ALOX15B: variants seen among roughly 807,000 people sequenced by gnomAD.
The protein encoded by ALOX15B is arachidonate 15-lipoxygenase type B.
In ALOX15B, 74 loss-of-function variants were observed where a neutral mutation model predicts 73.8. The ratio of observed to expected loss-of-function variants is 1.00; its 90% CI spans 0.83 to 1.22. The LOEUF (loss-of-function observed/expected upper bound fraction) is 1.22. ALOX15B is among the 50% of genes most tolerant of loss of function. The pLI, the probability that ALOX15B is intolerant of heterozygous loss-of-function variation, is 0.00. For synonymous variants in ALOX15B, 353 were observed against 357.2 expected (o/e 0.99, Z 0.13); for missense variants, 896 against 859.9 (o/e 1.04, Z -0.52).
chr17:8,043,524 C>A lies in ALOX15B; in HGVS notation c.676+640C>A, dbSNP rs181602666. Among the ~76,000 whole-genome samples, 249 of 152,312 alleles carry A rather than the reference C, an allele frequency of 1.6e-3. 1 individual carries two copies. Among genetic ancestry groups the A allele is most frequent in the Non-Finnish European group, 2.9e-3 (195 of 68,030 alleles). On this transcript the variant is annotated intron_variant, in intron 5 of 13. Coordinates refer to ENST00000380183, the MANE Select transcript of ALOX15B (RefSeq NM_001141.3). Reference sequence around the variant, plus strand: ...CGGGGGTCGCACAGGACTTTGTCGGCCATGGCAGGACTTGCGTCTTTCCTC... The same window carrying A: ...CGGGGGTCGCACAGGACTTTGTCGGACATGGCAGGACTTGCGTCTTTCCTC...
intron 3 of ALOX15B, among the ~76,000 whole-genome samples, chr17:8,040,660 GAGAA>G (rs1976440551): frequency 8.3e-6 from 1 of 120,734 alleles, no homozygotes; most frequent in Non-Finnish European, 1.8e-5. Flanking sequence ...AGAAAAGAAA[GAGAA>G]AGAAACTGCT....
At position 8,045,672 on chromosome 17, in the gene ALOX15B, C is replaced by A; in HGVS notation, c.1186C>A (p.His396Asn). 1 of 1,613,940 alleles carries A rather than the reference C, an allele frequency of 6.2e-7. No homozygotes were observed. Residue 396 changes from histidine (H) to asparagine (N), a missense_variant, in exon 8 of 14, where the codon CAC (histidine) becomes AAC (asparagine). His to Asn is a moderately conservative substitution (Grantham distance 68). Coordinates refer to ENST00000380183, the MANE Select transcript of ALOX15B (RefSeq NM_001141.3). Reference protein sequence around the residue: ...LATLRQLPHCHPLFKLLIPHT... With the variant: ...LATLRQLPHCNPLFKLLIPHT... Reference sequence around the variant, plus strand: ...TACCCTGCGTCAGCTGCCCCACTGCCACCCTCTCTTCAAGGTCAGTGGCTT... The same window carrying A: ...TACCCTGCGTCAGCTGCCCCACTGCAACCCTCTCTTCAAGGTCAGTGGCTT...
rs917627708 is a variant in ALOX15B, at chr17:8,039,551, C to A, written c.313C>A (p.Pro105Thr). Reference sequence around the variant, plus strand: ...GCCGCGGGGCGGCCACCTCCTCTTCCCCTGCTACCAGTGGCTGGAGGGGGC... The same window carrying A: ...GCCGCGGGGCGGCCACCTCCTCTTCACCTGCTACCAGTGGCTGGAGGGGGC... ...TPPRGGHLLF[P>T]CYQWLEGAGT... is the part of the protein sequence containing the mutation. The change falls in exon 2 of 14, where the codon CCC (proline) becomes ACC (threonine). Residue 105 changes from proline (P) to threonine (T), a missense_variant. Pro to Thr is a conservative substitution (Grantham distance 38, BLOSUM62 -1). Transcript: ENST00000380183. 2.2e-5 allele frequency: 34 copies of A among 1,541,792 alleles called. No individual in the cohort carries two copies. The highest frequency in any genetic ancestry group is 2.7e-5 in the African/African-American group (2 of 73,096).
Position 8,048,511 on chromosome 17 carries a change from G to GCTGC in ALOX15B, c.1979_1982dup (p.Tyr662AlafsTer30). 1 of 1,614,130 alleles carries GCTGC rather than the reference G, an allele frequency of 6.2e-7. No homozygotes were observed. The highest frequency in any genetic ancestry group is 8.5e-7 in the Non-Finnish European group (1 of 1,180,014). On this transcript the variant is annotated frameshift_variant, in exon 14 of 14. Transcript: ENST00000380183. LOFTEE classifies it high-confidence loss of function. ...TCCAGGAGCGGAACCAGGGCCTGGT[G>GCTGC]CTGCCCTACACCTACCTAGACCCTC... is the stretch of plus-strand genomic sequence containing the variant.
chr17:8,039,618 C>T lies in ALOX15B; in HGVS notation c.367+13C>T. On this transcript the variant is annotated intron_variant, in intron 2 of 13. Coordinates refer to ENST00000380183, the MANE Select transcript of ALOX15B (RefSeq NM_001141.3). The stretch of plus-strand genomic sequence containing the variant: ...CAGGAGGGTACAGGTGAGGGGCGGG[C>T]CGGGCTGGGGCTGCAGGGGGAGCAC... The T allele has an allele frequency of 1.5e-6, 1 of 683,664 alleles. No individual in the cohort carries two copies. The highest frequency in any genetic ancestry group is 2.4e-6 in the Non-Finnish European group (1 of 414,014). 42.3% of individuals were successfully genotyped at this position (683,664 alleles called of 1,614,324 possible).
chr17:8,040,651 G>GAAAGAAAGA (rs1415986255), intron 3 of ALOX15B, among the ~76,000 whole-genome samples: 2 of 92,502 alleles, frequency 2.2e-5, no homozygotes, highest in Admixed American at 1.0e-4. Context: ...AAGAAAGAAA[G>GAAAGAAAGA]AAAAGAAAGA....
intron 8 of ALOX15B, among the ~76,000 whole-genome samples, chr17:8,046,330 C>T (rs1976607248): frequency 6.6e-6 from 1 of 152,234 alleles, no homozygotes; most frequent in Non-Finnish European, 1.5e-5. Context: ...CATTGCCAGG[C>T]CCACAGGCCC....
Position 8,042,438 on chromosome 17 carries a change from T to A in ALOX15B, c.519T>A (p.Asn173Lys). 1 of 1,614,046 alleles carries A rather than the reference T, an allele frequency of 6.2e-7. No homozygotes were observed. The change falls in exon 4 of 14, where the codon AAT (asparagine) becomes AAA (lysine). Residue 173 changes from asparagine (N) to lysine (K), a missense_variant. Physicochemically the swap from Asn to Lys is moderately conservative, Grantham distance 94. Coordinates refer to ENST00000380183, the MANE Select transcript of ALOX15B (RefSeq NM_001141.3). ...DEKTVEDLELNIKYSTAKNAN... is the reference protein window; with the variant it reads ...DEKTVEDLELKIKYSTAKNAN... ...AGACAGTGGAAGACTTGGAGCTCAA[T>A]ATCAAATACTCCACAGCCAAGAATG...
In ALOX15B at chr17:8,044,830, G is replaced by C. The variant is rs773738143; in HGVS notation, c.678G>C (p.Glu226Asp). 5 of 1,586,482 alleles carry C rather than the reference G, an allele frequency of 3.2e-6. No homozygotes were observed. The highest frequency in any genetic ancestry group is 1.7e-4 in the Middle Eastern group (1 of 5,922). Residue 226 changes from glutamate (E) to aspartate (D), a missense_variant and splice_region_variant, in exon 6 of 14, where the codon GAG (glutamate) becomes GAC (aspartate). Glu to Asp is a conservative substitution (Grantham distance 45, BLOSUM62 2). Transcript: ENST00000380183. The part of the protein sequence containing the change: ...IFNFRRTPAA[E>D]HAFEHWQEDA... Reference sequence around the variant, plus strand: ...TCCCCTGTCCCCCACCCCCTGCAGAGCACGCATTTGAGCACTGGCAGGAGG... The same window carrying C: ...TCCCCTGTCCCCCACCCCCTGCAGACCACGCATTTGAGCACTGGCAGGAGG...
At chr17:8,043,631 G>T (rs981347490) in intron 5 of ALOX15B, among the ~76,000 whole-genome samples, 1 of 152,194 alleles carries the variant, frequency 6.6e-6, no homozygotes, top group African/African-American at 2.4e-5. Context: ...ATGAGAATCT[G>T]CTATGAGGCT....
At position 8,046,757 on chromosome 17, in the gene ALOX15B, G is replaced by T; in HGVS notation, c.1287+3G>T. 6.2e-7 allele frequency: 1 copy of T among 1,613,660 alleles called. No individual in the cohort carries two copies. The highest frequency in any genetic ancestry group is 8.5e-7 in the Non-Finnish European group (1 of 1,179,852). The stretch of plus-strand genomic sequence containing the variant: ...TGCCAGGGCAGGTGGTGGACAGGGT[G>T]AGAGCTGTGTTGGGGAGGGAGTAGG... On this transcript the variant is annotated splice_donor_region_variant and intron_variant, in intron 9 of 13. Transcript: ENST00000380183.
At position 8,046,714 on chromosome 17, in the gene ALOX15B, C is replaced by A. The variant is rs140152561; in HGVS notation, c.1247C>A (p.Ala416Asp). 1.9e-6 allele frequency: 3 copies of A among 1,613,786 alleles called. No homozygotes were observed. The East Asian group carries it at 6.7e-5, about 36-fold the overall frequency. The change falls in exon 9 of 14, where the codon GCC becomes GAC. Residue 416 changes from alanine to aspartate, a missense_variant. Coordinates refer to ENST00000380183, the MANE Select transcript of ALOX15B (RefSeq NM_001141.3). ...TRYTLHINTL[A>D]RELLIVPGQV... The stretch of plus-strand genomic sequence containing the variant: ...TACACCCTGCACATCAACACACTCG[C>A]CCGGGAGCTGCTTATCGTGCCAGGG...
chr17:8,045,297 T>C lies in ALOX15B; in HGVS notation c.909T>C (p.Ile303=), dbSNP rs1395421005. ...TCTCTGGCATCCAGACCAATGTCAT[T>C]AATGGGAAGCCTCAGTTCTCTGCGG... ...GILSGIQTNV[I]NGKPQFSAAP... The change falls in exon 7 of 14, where the codon ATT becomes ATC. Residue 303 remains isoleucine (I), a synonymous_variant. Coordinates refer to ENST00000380183, the MANE Select transcript of ALOX15B (RefSeq NM_001141.3). 1 of 1,614,106 alleles carries C rather than the reference T, an allele frequency of 6.2e-7. No homozygotes were observed. The highest frequency in any genetic ancestry group is 1.6e-4 in the Middle Eastern group (1 of 6,062).
intron 3 of ALOX15B, among the ~76,000 whole-genome samples, chr17:8,040,647 G>GAA (rs756810852): frequency 4.9e-5 from 6 of 122,270 alleles, no homozygotes; most frequent in South Asian, 5.2e-4. Context: ...AAGAAAGAAA[G>GAA]AAAGAAAAGA....
At position 8,041,837 on chromosome 17, in the gene ALOX15B, C is replaced by T. The variant is rs117192300; in HGVS notation, c.450-532C>T. ...TACCAAAGGCAACTGAAACCTTCTG[C>T]GCAGCCCCTGTCCCAGGATAGTCTC... On this transcript the variant is annotated intron_variant, in intron 3 of 13. Transcript: ENST00000380183. 6.6e-5 allele frequency among the ~76,000 whole-genome samples: 10 copies of T among 152,342 alleles called. No individual in the cohort carries two copies. The South Asian group carries it at 8.3e-4, about 13-fold the overall frequency.
At chr17:8,040,595 AAGAGAG>A (rs763288243) in intron 3 of ALOX15B, among the ~76,000 whole-genome samples, 3 of 91,180 alleles carry the variant, frequency 3.3e-5, no homozygotes, top group East Asian at 3.5e-4. Context: ...GAGAGAAAGA[AAGAGAG>A]AGAAAGAAAG....
chr17:8,045,544 G>T lies in ALOX15B; in HGVS notation c.1058G>T (p.Trp353Leu). ...CTGCCCACTGATGACAAGTGGGACT[G>T]GTTGCTGGCCAAGACCTGGGTGCGC... Reference protein sequence around the residue: ...IFLPTDDKWDWLLAKTWVRNA... With the variant: ...IFLPTDDKWDLLLAKTWVRNA... The change falls in exon 8 of 14, where the codon TGG (tryptophan) becomes TTG (leucine). Residue 353 changes from tryptophan to leucine, a missense_variant. By Grantham distance (61) the Trp-to-Leu change is moderately conservative (BLOSUM62 -2). Coordinates refer to ENST00000380183, the MANE Select transcript of ALOX15B (RefSeq NM_001141.3). 1.9e-6 allele frequency: 3 copies of T among 1,614,180 alleles called. No individual in the cohort carries two copies. The highest frequency in any genetic ancestry group is 1.6e-4 in the Middle Eastern group (1 of 6,062).
chr17:8,048,740 A>C lies in ALOX15B; in HGVS notation c.*175A>C. On this transcript the variant is annotated 3_prime_UTR_variant, in exon 14 of 14. Transcript: ENST00000380183. The stretch of plus-strand genomic sequence containing the variant: ...TACACACACACAAAAACAGAAACAA[A>C]ATCAAAACAGAGAAAGCAGAAAATC... 1.6e-6 allele frequency: 1 copy of C among 620,428 alleles called. No homozygotes were observed. Among genetic ancestry groups the C allele is most frequent in the Non-Finnish European group, 2.6e-6 (1 of 384,756 alleles). 38.4% of individuals were successfully genotyped at this position (620,428 alleles called of 1,614,324 possible).
intron 9 of ALOX15B, 22 bp downstream of exon 9, chr17:8,046,776 G>A (rs373468421): frequency 1.2e-6 from 2 of 1,613,346 alleles, no homozygotes; most frequent in Non-Finnish European, 1.7e-6. Context: ...GTTGGGGAGG[G>A]AGTAGGCAGG....
Sources: gnomAD v4.1 joint callset for allele counts (sites outside exome capture counted in the v4.1 genomes callset) on GRCh38, gnomAD v4.1.1 for gene constraint, MANE v1.5 for transcripts, NCBI Gene and HGNC (gene_info 2026-07-23, HGNC 2026-07-21) for gene names.